MCPH1: variants seen among roughly 807,000 people sequenced by gnomAD.
MCPH1 encodes the protein microcephalin 1.
A neutral mutation model predicts 84.5 loss-of-function variants in MCPH1; 104 were observed. The observed-to-expected ratio is 1.23, with a 90% CI of 1.05 to 1.45. The LOEUF (loss-of-function observed/expected upper bound fraction) is 1.45, where lower values mean the gene tolerates loss of function less well. MCPH1 is among the 40% of genes most tolerant of loss of function. The pLI, the probability that MCPH1 is intolerant of heterozygous loss-of-function variation, is 0.00. For missense variants in MCPH1, 1,498 were observed against 1,005.7 expected, an observed-to-expected ratio of 1.49 and a Z score of -6.62; for synonymous variants, 514 against 366.8, an observed-to-expected ratio of 1.40 and a Z score of -4.58.
intron 4 of MCPH1, among the ~76,000 whole-genome samples, chr8:6,433,630 CAAA>C (rs60661127): frequency 1.2e-4 from 5 of 40,892 alleles, no homozygotes; most frequent in African/African-American, 1.6e-4. Flanking sequence ...GGCTCTGTCT[CAAA>C]AAAAAAAAAA....
intron 8 of MCPH1, chr8:6,447,507 G>C (rs1249711113): frequency 1.3e-6 from 1 of 744,008 alleles, no homozygotes; most frequent in African/African-American, 1.9e-5. Flanking sequence ...TACGCTGATA[G>C]AACGGGAACT....
At chr8:6,553,876 T>G (rs1824123198) in intron 12 of MCPH1, among the ~76,000 whole-genome samples, 2 of 152,128 alleles carry the variant, frequency 1.3e-5, no homozygotes, top group African/African-American at 4.8e-5. Context: ...GTAAGACAAC[T>G]TCATGGCGTA....
intron 12 of MCPH1, among the ~76,000 whole-genome samples, chr8:6,609,330 G>A (rs546098089): frequency 5.9e-5 from 9 of 152,274 alleles, no homozygotes; most frequent in Admixed American, 4.6e-4. Flanking sequence ...AACCTACCGC[G>A]TTCGAGTTTT....
intron 9 of MCPH1, among the ~76,000 whole-genome samples, chr8:6,472,750 A>T (rs948733890): frequency 6.6e-6 from 1 of 152,140 alleles, no homozygotes. Flanking sequence ...TTACAGGGAT[A>T]AGCCACCATG....
chr8:6,506,557 A>G (rs1456483133), intron 12 of MCPH1, among the ~76,000 whole-genome samples: 1 of 152,168 alleles, frequency 6.6e-6, no homozygotes, highest in African/African-American at 2.4e-5. Context: ...ATGTGGGGAA[A>G]TGGTAGACAG....
chr8:6,638,510 CA>C (rs1797713886), intron 13 of MCPH1, among the ~76,000 whole-genome samples: 1 of 151,752 alleles, frequency 6.6e-6, no homozygotes, highest in African/African-American at 2.4e-5. Context: ...CACACAGAGC[CA>C]TGGCTAGTAA....
intron 11 of MCPH1, among the ~76,000 whole-genome samples, chr8:6,489,419 C>T (rs774420386): frequency 5.9e-4 from 90 of 152,194 alleles, no homozygotes; most frequent in Non-Finnish European, 1.1e-3. Flanking sequence ...AGGAAGGATG[C>T]TCAGCTGTGC....
At chr8:6,450,347 T>C (rs1228754213) in intron 8 of MCPH1, among the ~76,000 whole-genome samples, 1 of 151,948 alleles carries the variant, frequency 6.6e-6, no homozygotes, top group Non-Finnish European at 1.5e-5. Flanking sequence ...GTGTCCATAC[T>C]TTATCTGAAA....
At chr8:6,637,807 T>C (rs1052824883) in intron 13 of MCPH1, among the ~76,000 whole-genome samples, 2 of 152,132 alleles carry the variant, frequency 1.3e-5, no homozygotes, top group Non-Finnish European at 2.9e-5. Context: ...CTCGGACCTT[T>C]GCAGTGGTTC....
At chr8:6,588,944 G>A (rs1828223700) in intron 12 of MCPH1, among the ~76,000 whole-genome samples, 2 of 152,230 alleles carry the variant, frequency 1.3e-5, no homozygotes, top group Non-Finnish European at 2.9e-5. Context: ...CAGGACAAAG[G>A]ATCAAGGTGG....
intron 12 of MCPH1, among the ~76,000 whole-genome samples, chr8:6,514,309 C>A (rs558164109): frequency 4.3e-4 from 65 of 152,296 alleles, no homozygotes; most frequent in African/African-American, 1.5e-3. Flanking sequence ...CCTGCCTCAG[C>A]CTCCTGAGTA....
chr8:6,540,376 T>A (rs572664367), intron 12 of MCPH1, among the ~76,000 whole-genome samples: 2 of 152,360 alleles, frequency 1.3e-5, no homozygotes, highest in African/African-American at 2.4e-5. Flanking sequence ...TATGTAAGTT[T>A]AAGGAGACTG....
At chr8:6,480,007 C>T (rs966017167) in intron 10 of MCPH1, among the ~76,000 whole-genome samples, 1 of 152,048 alleles carries the variant, frequency 6.6e-6, no homozygotes, top group African/African-American at 2.4e-5. Context: ...AAGTGAGGTT[C>T]TTGGTTCTGA....
intron 12 of MCPH1, among the ~76,000 whole-genome samples, chr8:6,597,915 G>A (rs529991587): frequency 6.6e-6 from 1 of 152,336 alleles, no homozygotes; most frequent in African/African-American, 2.4e-5. Context: ...GGGAAGGGCA[G>A]AACCCTGCTT....
At chr8:6,621,431 TTC>T in intron 12 of MCPH1, 21 bp from the exon 13 acceptor site, 1 of 1,613,342 alleles carries the variant, frequency 6.2e-7, no homozygotes, top group Non-Finnish European at 8.5e-7. Flanking sequence ...ACCTCTGTAA[TTC>T]TATCTCTGTC....
At chr8:6,539,362 C>T (rs890398579) in intron 12 of MCPH1, among the ~76,000 whole-genome samples, 3 of 152,118 alleles carry the variant, frequency 2.0e-5, no homozygotes, top group South Asian at 2.1e-4. Flanking sequence ...CTTTTCTTCA[C>T]GTTCAGTGTA....
chr8:6,556,008 G>A (rs905695398), intron 12 of MCPH1, among the ~76,000 whole-genome samples: 2 of 152,188 alleles, frequency 1.3e-5, no homozygotes, highest in Non-Finnish European at 2.9e-5. Context: ...CAAGTCTGCT[G>A]TGGGGACTTG....
rs1807623382 is a variant in MCPH1, at chr8:6,470,829, C to T, written c.1936-6765C>T. On this transcript the variant is annotated intron_variant, in intron 9 of 13. Coordinates refer to ENST00000344683, the MANE Select transcript of MCPH1 (RefSeq NM_024596.5). Reference sequence around the variant, plus strand: ...AGAAAATGTAAAGAGGGTTGTTAAACTGAAGGAGTGTTGTCTCAAACTGAA... The same window carrying T: ...AGAAAATGTAAAGAGGGTTGTTAAATTGAAGGAGTGTTGTCTCAAACTGAA... Among the ~76,000 whole-genome samples, 6 of 152,190 alleles carry T rather than the reference C, an allele frequency of 3.9e-5. 1 individual carries two copies. Among genetic ancestry groups the T allele is most frequent in the Admixed American group, 3.9e-4 (6 of 15,276 alleles).
At chr8:6,479,751 T>G (rs1013594457) in intron 10 of MCPH1, among the ~76,000 whole-genome samples, 5 of 152,096 alleles carry the variant, frequency 3.3e-5, no homozygotes, top group African/African-American at 1.2e-4. Flanking sequence ...AAGGTTATTA[T>G]AAAAGGGAAG....
Sources: gnomAD v4.1 joint callset for allele counts (sites outside exome capture counted in the v4.1 genomes callset) on GRCh38, gnomAD v4.1.1 for gene constraint, MANE v1.5 for transcripts, NCBI Gene and HGNC (gene_info 2026-07-23, HGNC 2026-07-21) for gene names.